The following PCSK5 variants were observed in gnomAD, a reference collection of about 807,000 sequenced individuals.
PCSK5 encodes the protein prohormone convertase 5.
In PCSK5, 129 loss-of-function variants were observed where a neutral mutation model predicts 233.2. That is an observed-to-expected ratio of 0.55 (90% CI 0.48 to 0.64). The LOEUF is 0.64. PCSK5 is among the 30% of genes least tolerant of loss of function. The pLI is 0.00. For synonymous variants in PCSK5, 825 were observed against 879.2 expected, an observed-to-expected ratio of 0.94 and a Z score of 1.09; for missense variants, 2,076 against 2,430.1, an observed-to-expected ratio of 0.85 and a Z score of 3.06.
chr9:76,118,649 G>T (rs116715665), intron 9 of PCSK5, among the ~76,000 whole-genome samples: 2,081 of 151,954 alleles, frequency 0.014, 51 homozygotes, highest in African/African-American at 0.048. Context: ...TTTTTAAAAT[G>T]TAGGTGTTTA....
At chr9:75,976,322 A>C (rs997876175) in intron 2 of PCSK5, among the ~76,000 whole-genome samples, 1 of 124,016 alleles carries the variant, frequency 8.1e-6, no homozygotes, top group African/African-American at 2.9e-5. Context: ...ACACACACAC[A>C]CCTTTTTCTC....
At chr9:76,058,086 T>G (rs1829888629) in intron 5 of PCSK5, among the ~76,000 whole-genome samples, 2 of 152,188 alleles carry the variant, frequency 1.3e-5, no homozygotes, top group African/African-American at 4.8e-5. Flanking sequence ...TGTGCTCAAG[T>G]GATCCTCCCA....
chr9:76,099,503 C>A (rs191463153), intron 8 of PCSK5, among the ~76,000 whole-genome samples: 1 of 152,276 alleles, frequency 6.6e-6, no homozygotes, highest in Admixed American at 6.5e-5. Flanking sequence ...AGGTGCCTAT[C>A]GCACCTCAGT....
chr9:76,241,337 G>A (rs1446413552), intron 24 of PCSK5, among the ~76,000 whole-genome samples: 2 of 152,230 alleles, frequency 1.3e-5, no homozygotes, highest in Admixed American at 1.3e-4. Context: ...AGCTATTCGG[G>A]AGGCTGAGGC....
chr9:76,315,939 T>A (rs924888350), intron 30 of PCSK5, among the ~76,000 whole-genome samples: 1 of 149,936 alleles, frequency 6.7e-6, no homozygotes, highest in East Asian at 1.9e-4. Context: ...TTTTTTTTTT[T>A]TTTTTTTTTT....
At chr9:76,170,369 A>G (rs1002730641) in intron 13 of PCSK5, among the ~76,000 whole-genome samples, 34 of 152,238 alleles carry the variant, frequency 2.2e-4, no homozygotes, top group Non-Finnish European at 3.8e-4. Flanking sequence ...CCTTCTTGAC[A>G]TGTAAAACAG....
intron 5 of PCSK5, among the ~76,000 whole-genome samples, chr9:76,064,575 G>T (rs1002294821): frequency 6.7e-6 from 1 of 150,288 alleles, no homozygotes; most frequent in Non-Finnish European, 1.5e-5. Flanking sequence ...CTTCCCAGAT[G>T]GGGTGGCTGC....
intron 20 of PCSK5, among the ~76,000 whole-genome samples, chr9:76,199,643 G>A (rs543809334): frequency 4.0e-4 from 61 of 152,164 alleles, no homozygotes; most frequent in Admixed American, 2.4e-3. Flanking sequence ...GAAGGGCAGC[G>A]TACGGGACTG....
chr9:75,918,454 G>A (rs1351077937), intron 1 of PCSK5, among the ~76,000 whole-genome samples: 2 of 152,134 alleles, frequency 1.3e-5, no homozygotes, highest in African/African-American at 4.8e-5. Context: ...CTGGCCCCAG[G>A]GCCACACTTT....
intron 13 of PCSK5, among the ~76,000 whole-genome samples, chr9:76,171,933 G>T (rs551236490): frequency 3.0e-4 from 45 of 151,270 alleles, no homozygotes; most frequent in South Asian, 2.5e-3. Flanking sequence ...GTTTATGGGT[G>T]GGGGGGTGTG....
chr9:75,916,564 A>C (rs990366910), intron 1 of PCSK5, among the ~76,000 whole-genome samples: 4 of 152,100 alleles, frequency 2.6e-5, no homozygotes, highest in African/African-American at 9.7e-5. Context: ...ATTTGAGCTA[A>C]GATCCAAAAA....
At chr9:75,997,054 GTAA>G (rs1827052083) in intron 3 of PCSK5, among the ~76,000 whole-genome samples, 1 of 152,084 alleles carries the variant, frequency 6.6e-6, no homozygotes, top group Admixed American at 6.6e-5. Context: ...CTGGCTTACT[GTAA>G]CCTATCTCTC....
intron 12 of PCSK5, among the ~76,000 whole-genome samples, chr9:76,163,021 A>G (rs1411956): frequency 0.21 from 32,067 of 152,084 alleles, 3,601 homozygotes; most frequent in African/African-American, 0.22. Flanking sequence ...TGCAATGAAA[A>G]AACCAGAGAC....
intron 24 of PCSK5, among the ~76,000 whole-genome samples, chr9:76,253,401 T>C (rs1413968574): frequency 6.6e-6 from 1 of 152,190 alleles, no homozygotes; most frequent in Non-Finnish European, 1.5e-5. Context: ...TTCTATTTTG[T>C]ATTCATTAGA....
At chr9:76,094,720 G>A (rs528764915) in intron 7 of PCSK5, among the ~76,000 whole-genome samples, 5 of 151,800 alleles carry the variant, frequency 3.3e-5, no homozygotes, top group African/African-American at 4.8e-5. Context: ...AGCGATTCTC[G>A]TGCCTCAGCC....
chr9:75,916,588 A>G lies in PCSK5; in HGVS notation c.193-15791A>G, dbSNP rs115719118. ...AAGATCCAAAAAACGAGAAGGAAGT[A>G]AGAGGCAAGAGATTGAAAAAAAGAG... is the stretch of plus-strand genomic sequence containing the variant. On this transcript the variant is annotated intron_variant, in intron 1 of 37. Transcript: ENST00000674117. Among the ~76,000 whole-genome samples, 628 of 152,190 alleles carry G rather than the reference A, an allele frequency of 4.1e-3. 5 individuals are homozygous for G. The highest frequency in any genetic ancestry group is 0.014 in the African/African-American group (588 of 41,490).
At chr9:76,137,187 A>G (rs942335403) in intron 10 of PCSK5, among the ~76,000 whole-genome samples, 6 of 152,086 alleles carry the variant, frequency 3.9e-5, no homozygotes, top group Non-Finnish European at 7.4e-5. Flanking sequence ...TCAGGCCAGG[A>G]AGTTGGCCTT....
intron 1 of PCSK5, among the ~76,000 whole-genome samples, chr9:75,911,201 G>GTTTTTTTTTTTT (rs71370772): frequency 6.2e-5 from 3 of 48,764 alleles, no homozygotes; most frequent in African/African-American, 1.7e-4. Flanking sequence ...GAACATATAG[G>GTTTTTTTTTTTT]TTTTTTTTTT....
chr9:76,128,036 G>A (rs1339075265), intron 9 of PCSK5, among the ~76,000 whole-genome samples: 2 of 152,174 alleles, frequency 1.3e-5, no homozygotes, highest in Admixed American at 6.5e-5. Context: ...TATTTTGAAT[G>A]AGAAATAGAA....
Sources: gnomAD v4.1 joint callset for allele counts (sites outside exome capture counted in the v4.1 genomes callset) on GRCh38, gnomAD v4.1.1 for gene constraint, MANE v1.5 for transcripts, NCBI Gene and HGNC (gene_info 2026-07-23, HGNC 2026-07-21) for gene names.